Variants in OLFML1 observed in about 807,000 individuals in gnomAD.
OLFML1 encodes olfactomedin-like protein 1.
In OLFML1, 33 loss-of-function variants were observed where a neutral mutation model predicts 37.3. The ratio of observed to expected loss-of-function variants is 0.88; its 90% CI spans 0.67 to 1.18. The LOEUF is 1.18. Among genes scored for constraint, OLFML1 ranks in the 50% most tolerant of loss-of-function variants. The pLI is 0.00. For synonymous variants in OLFML1, 186 were observed against 181.3 expected (o/e 1.03, Z -0.21); for missense variants, 545 against 483.7 (o/e 1.13, Z -1.19).
intron 2 of OLFML1, among the ~76,000 whole-genome samples, chr11:7,491,698 T>C (rs904352753): frequency 6.6e-6 from 1 of 151,118 alleles, no homozygotes; most frequent in Non-Finnish European, 1.5e-5. Context: ...ACCATAGATT[T>C]AGCATCTTAA....
chr11:7,509,836 C>T lies in OLFML1; in HGVS notation c.857C>T (p.Pro286Leu). 1 of 1,614,244 alleles carries T rather than the reference C, an allele frequency of 6.2e-7. No homozygotes were observed. Residue 286 changes from proline to leucine, a missense_variant, in exon 3 of 3, where the codon CCA becomes CTA. Coordinates refer to ENST00000329293, the MANE Select transcript of OLFML1 (RefSeq NM_198474.4). ...GGGCTCTGGGCCATCCACTCTGGGC[C>T]AGGCACCCATAGCCATTTGGTTCTC... Reference protein sequence around the residue: ...EHGLWAIHSGPGTHSHLVLTK... With the variant: ...EHGLWAIHSGLGTHSHLVLTK...
intron 2 of OLFML1, among the ~76,000 whole-genome samples, chr11:7,505,974 G>A (rs1453889278): frequency 1.3e-5 from 2 of 152,148 alleles, no homozygotes; most frequent in African/African-American, 4.8e-5. Flanking sequence ...GTAAAATATG[G>A]ACACAAAAGG....
intron 1 of OLFML1, among the ~76,000 whole-genome samples, chr11:7,487,787 G>A (rs1246765183): frequency 6.6e-6 from 1 of 152,026 alleles, no homozygotes; most frequent in Non-Finnish European, 1.5e-5. Context: ...TAAATGGAAT[G>A]CTCTCATTAA....
Position 7,486,111 on chromosome 11 carries a change from T to G in OLFML1, c.129+107T>G, listed in dbSNP as rs560598392. 5 of 1,103,028 alleles carry G rather than the reference T, an allele frequency of 4.5e-6. No homozygotes were observed. The South Asian group carries it at 7.6e-5, about 17-fold the overall frequency. 68.3% of individuals were successfully genotyped at this position (1,103,028 alleles called of 1,614,324 possible). ...GGTTGTATTTTTCCCAGATAGCAAA[T>G]GACACATTGCCAAAGTTACACTTTA... On this transcript the variant is annotated intron_variant, in intron 1 of 2. Coordinates refer to ENST00000329293, the MANE Select transcript of OLFML1 (RefSeq NM_198474.4).
chr11:7,488,277 C>T lies in OLFML1; in HGVS notation c.280C>T (p.Arg94Cys), dbSNP rs537753861. The T allele has an allele frequency of 5.9e-5, 96 of 1,614,014 alleles. No individual in the cohort carries two copies. The Admixed American group carries it at 1.3e-3, about 22-fold the overall frequency. Residue 94 changes from arginine (R) to cysteine (C), a missense_variant, in exon 2 of 3, where the codon CGT (arginine) becomes TGT (cysteine). By Grantham distance (180) the Arg-to-Cys change is radical. Coordinates refer to ENST00000329293, the MANE Select transcript of OLFML1 (RefSeq NM_198474.4). ...AVGNLALRVE[R>C]AQREIDYIQY... ...GGGTAACTTGGCACTGAGAGTTGAA[C>T]GTGCCCAACGGGAGATTGACTACAT...
chr11:7,491,130 A>G (rs6578866), intron 2 of OLFML1, among the ~76,000 whole-genome samples: 81,501 of 148,546 alleles, frequency 0.55, 23,375 homozygotes, highest in African/African-American at 0.71. Context: ...TATTATATAT[A>G]ATTAATATAT....
Position 7,485,785 on chromosome 11 carries a change from C to G in OLFML1, c.-91C>G. On this transcript the variant is annotated 5_prime_UTR_variant, in exon 1 of 3. Transcript: ENST00000329293. ...GTTTTTAGAGGATTTGCCACAGCAG[C>G]GGATAGAGCAGGAGAGCACCACCGG... 1 of 1,314,798 alleles carries G rather than the reference C, an allele frequency of 7.6e-7. No individual in the cohort carries two copies. The highest frequency in any genetic ancestry group is 1.4e-5 in the South Asian group (1 of 72,856). 81.4% of individuals were successfully genotyped at this position (1,314,798 alleles called of 1,614,324 possible). A position where few individuals can be genotyped will look rare whatever the true frequency, so the allele number is the denominator to read the frequency against.
At chr11:7,487,788 C>T (rs1163718304) in intron 1 of OLFML1, among the ~76,000 whole-genome samples, 1 of 151,974 alleles carries the variant, frequency 6.6e-6, no homozygotes, top group Non-Finnish European at 1.5e-5. Context: ...AAATGGAATG[C>T]TCTCATTAAA....
Position 7,485,749 on chromosome 11 carries a change from T to C in OLFML1, c.-127T>C. On this transcript the variant is annotated 5_prime_UTR_variant, in exon 1 of 3. Coordinates refer to ENST00000329293, the MANE Select transcript of OLFML1 (RefSeq NM_198474.4). ...AACAAGCGGACTTTGCTCTCTGCTG[T>C]GCAAAACGCTGTTTTTAGAGGATTT... 1.0e-6 allele frequency: 1 copy of C among 970,074 alleles called. No individual in the cohort carries two copies. The highest frequency in any genetic ancestry group is 1.6e-5 in the South Asian group (1 of 62,896). The allele number at this position is 970,074 out of a possible 1,614,324, so 60.1% of individuals were successfully genotyped here. A position where few individuals can be genotyped will look rare whatever the true frequency, so the allele number is the denominator to read the frequency against.
chr11:7,489,061 G>A (rs1848564650), intron 2 of OLFML1: 1 of 152,146 alleles, frequency 6.6e-6, no homozygotes, highest in South Asian at 2.1e-4. Flanking sequence ...AAAACAATGA[G>A]GGAGACAAAT....
intron 2 of OLFML1, among the ~76,000 whole-genome samples, chr11:7,502,527 G>GA (rs1848735049): frequency 6.6e-6 from 1 of 151,654 alleles, no homozygotes; most frequent in Admixed American, 6.6e-5. Flanking sequence ...GGATTCCAGG[G>GA]AAAAAAGAGG....
At chr11:7,493,158 G>C (rs1282917539) in intron 2 of OLFML1, among the ~76,000 whole-genome samples, 2 of 151,924 alleles carry the variant, frequency 1.3e-5, no homozygotes, top group Admixed American at 6.6e-5. Flanking sequence ...TTATTGCAAG[G>C]GTGCACAAAA....
At chr11:7,502,854 C>T (rs908034985) in intron 2 of OLFML1, among the ~76,000 whole-genome samples, 3 of 152,292 alleles carry the variant, frequency 2.0e-5, no homozygotes, top group African/African-American at 7.2e-5. Flanking sequence ...GATCTGCCCA[C>T]CTTGGCCTCC....
chr11:7,507,166 AATAGT>A (rs1848795419), intron 2 of OLFML1, among the ~76,000 whole-genome samples: 1 of 152,188 alleles, frequency 6.6e-6, no homozygotes, highest in East Asian at 1.9e-4. Flanking sequence ...AGGTGGGAAG[AATAGT>A]AGCCTGAAGT....
chr11:7,491,099 G>A (rs1371482948), intron 2 of OLFML1, among the ~76,000 whole-genome samples: 1 of 149,560 alleles, frequency 6.7e-6, no homozygotes, highest in Non-Finnish European at 1.5e-5. Context: ...ATGTATGTGT[G>A]TATATATGTA....
At position 7,509,790 on chromosome 11, in the gene OLFML1, G is replaced by T. The variant is rs1486416530; in HGVS notation, c.811G>T (p.Asp271Tyr). 7.4e-6 allele frequency: 12 copies of T among 1,614,218 alleles called. No individual in the cohort carries two copies. Among genetic ancestry groups the T allele is most frequent in the Non-Finnish European group, 1.0e-5 (12 of 1,180,022 alleles). The change falls in exon 3 of 3, where the codon GAC becomes TAC. Residue 271 changes from aspartate to tyrosine, a missense_variant. Physicochemically the swap from Asp to Tyr is radical, Grantham distance 160. Transcript: ENST00000329293. ...VYQHSPSTYI[D>Y]LAVDEHGLWA... ...CCAGCACTCCCCCTCAACTTACATT[G>T]ACCTGGCTGTGGATGAGCATGGGCT... is the stretch of plus-strand genomic sequence containing the variant.
intron 1 of OLFML1, 75 bp downstream of exon 1, chr11:7,486,079 T>C: frequency 7.2e-7 from 1 of 1,387,314 alleles, no homozygotes; most frequent in Non-Finnish European, 1.0e-6. Flanking sequence ...TGCTTCTCTA[T>C]CTACTGGGTT....
intron 2 of OLFML1, among the ~76,000 whole-genome samples, chr11:7,492,144 A>T (rs74936113): frequency 0.024 from 3,724 of 152,264 alleles, 142 homozygotes; most frequent in African/African-American, 0.084. Context: ...TGTTTAAGAA[A>T]TCTGCCTATC....
intron 2 of OLFML1, among the ~76,000 whole-genome samples, chr11:7,502,964 A>G (rs1422741512): frequency 2.0e-5 from 3 of 152,202 alleles, no homozygotes; most frequent in Non-Finnish European, 4.4e-5. Flanking sequence ...GGTGTTGGAG[A>G]ATAGAAAGAA....
Sources: gnomAD v4.1 joint callset for allele counts (sites outside exome capture counted in the v4.1 genomes callset) on GRCh38, gnomAD v4.1.1 for gene constraint, MANE v1.5 for transcripts, NCBI Gene and HGNC (gene_info 2026-07-23, HGNC 2026-07-21) for gene names.